The following FYN variants were observed in gnomAD, a reference collection of about 807,000 sequenced individuals.
The protein encoded by FYN is FYN proto-oncogene, Src family tyrosine kinase, also known as tyrosine-protein kinase Fyn.
In FYN, 10 loss-of-function variants were observed where a neutral mutation model predicts 70.2. The observed-to-expected ratio is 0.14, with a 90% CI of 0.09 to 0.24. FYN has a LOEUF of 0.24. FYN is among the 10% of genes least tolerant of loss of function. The pLI, the probability that FYN is intolerant of heterozygous loss-of-function variation, is 1.00. For missense variants in FYN, 319 were observed against 673.1 expected, an observed-to-expected ratio of 0.47 and a Z score of 5.82; for synonymous variants, 236 against 248.6, an observed-to-expected ratio of 0.95 and a Z score of 0.48.
At chr6:111,841,988 AACACAC>A (rs35832854) in intron 2 of FYN, among the ~76,000 whole-genome samples, 2 of 148,254 alleles carry the variant, frequency 1.3e-5, no homozygotes, top group South Asian at 4.3e-4. Flanking sequence ...CTTCCTCCTA[AACACAC>A]ACACACACAC....
chr6:111,674,329 T>C, intron 13 of FYN, 170 bp downstream of exon 13: 1 of 651,916 alleles, frequency 1.5e-6, no homozygotes. Context: ...ACATACATGG[T>C]GGCTCCCAGT....
intron 2 of FYN, among the ~76,000 whole-genome samples, chr6:111,807,685 C>G (rs1185505038): frequency 2.6e-5 from 4 of 152,186 alleles, no homozygotes; most frequent in African/African-American, 9.6e-5. Flanking sequence ...GCCTTAGAGG[C>G]ATCCTAAGTG....
chr6:111,805,779 A>G (rs2114269973), intron 2 of FYN, among the ~76,000 whole-genome samples: 1 of 152,280 alleles, frequency 6.6e-6, no homozygotes, highest in Non-Finnish European at 1.5e-5. Flanking sequence ...CCCCCTCTGA[A>G]ACCACTGCTT....
intron 1 of FYN, among the ~76,000 whole-genome samples, chr6:111,850,819 T>A (rs1026942745): frequency 2.0e-5 from 3 of 152,188 alleles, no homozygotes; most frequent in Admixed American, 6.5e-5. Context: ...CTCCACAGTC[T>A]CCTGTGTGCC....
At chr6:111,818,055 CTTCCTTTGGATGCCATTTAT>C (rs922904655) in intron 2 of FYN, among the ~76,000 whole-genome samples, 1 of 152,254 alleles carries the variant, frequency 6.6e-6, no homozygotes, top group Non-Finnish European at 1.5e-5. Context: ...CTGACAGCCT[CTTCCTTTGGATGCCATTTAT>C]GTGAATTCCA....
At chr6:111,793,180 C>T (rs1771685451) in intron 2 of FYN, among the ~76,000 whole-genome samples, 1 of 152,156 alleles carries the variant, frequency 6.6e-6, no homozygotes, top group Admixed American at 6.5e-5. Flanking sequence ...CTTAGAAGTG[C>T]CATTTCATTA....
At chr6:111,775,618 G>T (rs1394232970) in intron 3 of FYN, among the ~76,000 whole-genome samples, 1 of 152,180 alleles carries the variant, frequency 6.6e-6, no homozygotes, top group African/African-American at 2.4e-5. Flanking sequence ...ACCTCAAATG[G>T]AACTGTAAGC....
chr6:111,733,186 T>A (rs1801548337), intron 3 of FYN, among the ~76,000 whole-genome samples: 1 of 152,128 alleles, frequency 6.6e-6, no homozygotes, highest in Non-Finnish European at 1.5e-5. Context: ...ACAGTAACAA[T>A]AACAATGCCT....
chr6:111,700,965 T>C (rs1213311543), intron 8 of FYN, among the ~76,000 whole-genome samples: 3 of 151,862 alleles, frequency 2.0e-5, no homozygotes, highest in Non-Finnish European at 4.4e-5. Context: ...CTGGGCTGCT[T>C]CTTGGATATT....
In FYN at chr6:111,703,044, G is replaced by A. The variant is rs529688712; in HGVS notation, c.548-10C>T. On this transcript the variant is annotated splice_polypyrimidine_tract_variant and intron_variant, in intron 7 of 13. Coordinates refer to ENST00000354650, the MANE Select transcript of FYN (RefSeq NM_002037.5). ...GAAAGTGAATAGGCACCTGGTAAACGTGGAAAGCATTAGCAGCTCCAATCA... is the reference window on the plus strand; with the variant it reads ...GAAAGTGAATAGGCACCTGGTAAACATGGAAAGCATTAGCAGCTCCAATCA... 7 of 1,612,888 alleles carry A rather than the reference G, an allele frequency of 4.3e-6. No homozygotes were observed. Among genetic ancestry groups the A allele is most frequent in the East Asian group, 2.2e-5 (1 of 44,872 alleles).
intron 5 of FYN, among the ~76,000 whole-genome samples, chr6:111,710,371 C>G (rs912555832): frequency 2.0e-5 from 3 of 152,220 alleles, no homozygotes; most frequent in East Asian, 3.8e-4. Flanking sequence ...TTAATGAAGT[C>G]ATTTCCAATT....
chr6:111,720,658 T>C (rs1274911550), intron 3 of FYN, among the ~76,000 whole-genome samples: 1 of 152,056 alleles, frequency 6.6e-6, no homozygotes, highest in Non-Finnish European at 1.5e-5. Context: ...GGATGAAAAA[T>C]AAAATCGGCA....
At chr6:111,765,130 G>A (rs967893573) in intron 3 of FYN, among the ~76,000 whole-genome samples, 1 of 151,980 alleles carries the variant, frequency 6.6e-6, no homozygotes, top group Non-Finnish European at 1.5e-5. Context: ...TGTAACAGAG[G>A]AGACCTGCAC....
intron 3 of FYN, among the ~76,000 whole-genome samples, chr6:111,773,312 AGAGGG>A: frequency 1.1e-5 from 1 of 92,954 alleles, no homozygotes; most frequent in African/African-American, 4.2e-5. Flanking sequence ...AGGGAGGGAA[AGAGGG>A]GAGGGGGAGG....
chr6:111,802,913 A>G (rs62413698), intron 2 of FYN, among the ~76,000 whole-genome samples: 6,997 of 152,312 alleles, frequency 0.046, 341 homozygotes, highest in African/African-American at 0.13. Flanking sequence ...ATAAACTGGG[A>G]AAAAGTCCTA....
intron 3 of FYN, among the ~76,000 whole-genome samples, chr6:111,758,129 A>C (rs984315081): frequency 6.6e-6 from 1 of 152,256 alleles, no homozygotes; most frequent in African/African-American, 2.4e-5. Flanking sequence ...CAAAATAAGC[A>C]AAGATAGTAG....
intron 2 of FYN, among the ~76,000 whole-genome samples, chr6:111,837,446 T>C (rs752438679): frequency 6.6e-6 from 1 of 152,148 alleles, no homozygotes; most frequent in Admixed American, 6.6e-5. Context: ...GCATTATCTA[T>C]GTTGACACAC....
intron 3 of FYN, among the ~76,000 whole-genome samples, chr6:111,775,483 C>G (rs992696807): frequency 6.6e-6 from 1 of 152,112 alleles, no homozygotes; most frequent in Non-Finnish European, 1.5e-5. Flanking sequence ...AAGTTGACAC[C>G]CTACCCTCCT....
At chr6:111,781,423 C>T (rs1771167014) in intron 2 of FYN, among the ~76,000 whole-genome samples, 1 of 152,198 alleles carries the variant, frequency 6.6e-6, no homozygotes, top group East Asian at 1.9e-4. Flanking sequence ...TCTTCCCTTC[C>T]CATCCAACTC....
Sources: allele counts gnomAD v4.1 joint callset (sites outside exome capture counted in the v4.1 genomes callset), GRCh38; gene constraint gnomAD v4.1.1; transcripts MANE v1.5; gene names NCBI Gene and HGNC (gene_info 2026-07-23, HGNC 2026-07-21).